METTL25: variants seen among roughly 807,000 people sequenced by gnomAD.
The protein encoded by METTL25 is methyltransferase like 25, also known as probable methyltransferase-like protein 25.
METTL25 carries 64 observed loss-of-function variants against 71.6 expected under a neutral mutation model. The observed-to-expected ratio is 0.89, with a 90% CI of 0.73 to 1.10. The LOEUF (loss-of-function observed/expected upper bound fraction) is 1.10. Among genes scored for constraint, METTL25 ranks in the 50% least tolerant of loss-of-function variants. METTL25 has a pLI of 0.00. For missense variants in METTL25, 807 were observed against 707.0 expected (o/e 1.14, Z -1.60); for synonymous variants, 287 against 250.3 (o/e 1.15, Z -1.38).
rs1322068605 is a variant in METTL25, at chr12:82,434,680, T to A, written c.1375-15T>A. 1 of 1,608,482 alleles carries A rather than the reference T, an allele frequency of 6.2e-7. No homozygotes were observed. On this transcript the variant is annotated splice_polypyrimidine_tract_variant and intron_variant, in intron 6 of 11. Transcript: ENST00000248306. ...TCAATATATCAACAATCTGTCTTGT[T>A]TTTTTCCCTTTAAGGCATTGGAGCG...
chr12:82,400,927 G>A (rs1312913837), intron 4 of METTL25, among the ~76,000 whole-genome samples: 1 of 152,010 alleles, frequency 6.6e-6, no homozygotes, highest in Non-Finnish European at 1.5e-5. Context: ...ATTTTCTTTA[G>A]GGAGAGCTAA....
At chr12:82,366,554 T>C (rs930637938) in intron 1 of METTL25, among the ~76,000 whole-genome samples, 5 of 152,158 alleles carry the variant, frequency 3.3e-5, no homozygotes, top group African/African-American at 1.2e-4. Flanking sequence ...GATAGATTAT[T>C]CTTTTATCAA....
intron 9 of METTL25, among the ~76,000 whole-genome samples, chr12:82,473,229 G>A (rs1476182886): frequency 6.6e-6 from 1 of 152,160 alleles, no homozygotes; most frequent in Non-Finnish European, 1.5e-5. Context: ...CAGCCAGCTT[G>A]GAGCTGGCAC....
intron 5 of METTL25, among the ~76,000 whole-genome samples, chr12:82,412,960 T>A (rs1277450803): frequency 6.6e-6 from 1 of 152,004 alleles, no homozygotes; most frequent in East Asian, 1.9e-4. Flanking sequence ...CATAAAATTT[T>A]AAAAAATAAA....
rs141884155 is a variant in METTL25 at position 82,473,492 on chromosome 12, A to C, written c.1573-3152A>C. Among the ~76,000 whole-genome samples, 55 of 151,942 alleles carry C rather than the reference A, an allele frequency of 3.6e-4. 1 individual carries two copies. In the East Asian group the frequency reaches 0.01, roughly 28 times the overall value. Reference sequence around the variant, plus strand: ...TATACTGGGGATGGTCCCCAGAGCTATTTCTCAGGCCTGTGTCATAGGCCC... The same window carrying C: ...TATACTGGGGATGGTCCCCAGAGCTCTTTCTCAGGCCTGTGTCATAGGCCC... On this transcript the variant is annotated intron_variant, in intron 9 of 11. Coordinates refer to ENST00000248306, the MANE Select transcript of METTL25 (RefSeq NM_032230.3).
intron 9 of METTL25, among the ~76,000 whole-genome samples, chr12:82,467,923 A>G (rs1385085083): frequency 6.6e-6 from 1 of 151,864 alleles, no homozygotes; most frequent in Non-Finnish European, 1.5e-5. Context: ...CCATAATGCA[A>G]ATATTTGCTT....
chr12:82,438,367 T>C (rs916732104), intron 7 of METTL25: 1 of 169,102 alleles, frequency 5.9e-6, no homozygotes, highest in African/African-American at 2.4e-5. Context: ...ATATCCTTCC[T>C]GACTCTTAAA....
chr12:82,435,127 C>T (rs920128652), intron 7 of METTL25, among the ~76,000 whole-genome samples: 2 of 151,408 alleles, frequency 1.3e-5, no homozygotes, highest in Non-Finnish European at 3.0e-5. Flanking sequence ...TCTTTACTGA[C>T]TTGATTAACC....
chr12:82,452,731 A>C (rs1290763074), intron 8 of METTL25, among the ~76,000 whole-genome samples: 1 of 152,176 alleles, frequency 6.6e-6, no homozygotes, highest in African/African-American at 2.4e-5. Flanking sequence ...TAACTTTCAA[A>C]GGTTCTAAAG....
chr12:82,473,486 A>G (rs1892685782), intron 9 of METTL25, among the ~76,000 whole-genome samples: 1 of 152,102 alleles, frequency 6.6e-6, no homozygotes, highest in Non-Finnish European at 1.5e-5. Flanking sequence ...GATGGTCCCC[A>G]GAGCTATTTC....
intron 1 of METTL25, among the ~76,000 whole-genome samples, chr12:82,373,869 G>A (rs983800194): frequency 6.6e-6 from 1 of 152,222 alleles, no homozygotes. Flanking sequence ...GGTCATGCTA[G>A]TCGCTTTTAA....
chr12:82,362,828 G>C (rs1264793502), intron 1 of METTL25, among the ~76,000 whole-genome samples: 3 of 152,178 alleles, frequency 2.0e-5, no homozygotes, highest in Admixed American at 6.5e-5. Flanking sequence ...AGCTTGAAGA[G>C]GTCAGATTCC....
At chr12:82,471,126 A>G (rs1448408295) in intron 9 of METTL25, among the ~76,000 whole-genome samples, 1 of 152,228 alleles carries the variant, frequency 6.6e-6, no homozygotes, top group African/African-American at 2.4e-5. Context: ...ACATTTCCTA[A>G]ATGAGACCAG....
In METTL25 at chr12:82,446,527, T is replaced by G. The variant is rs149720151; in HGVS notation, c.1478+7736T>G. Among the ~76,000 whole-genome samples the G allele has an allele frequency of 5.9e-5, 9 of 151,984 alleles. No homozygotes were observed. In the East Asian group the frequency reaches 1.7e-3, roughly 29 times the overall value. ...CAATAACAAGAGAACCTTTGGAAAC[T>G]GTACAAATACATGGAAATTAAACAA... On this transcript the variant is annotated intron_variant, in intron 8 of 11. Transcript: ENST00000248306.
chr12:82,479,088 T>C lies in METTL25; in HGVS notation c.*64T>C. 1 of 1,361,822 alleles carries C rather than the reference T, an allele frequency of 7.3e-7. No homozygotes were observed. Among genetic ancestry groups the C allele is most frequent in the Non-Finnish European group, 1.0e-6 (1 of 955,008 alleles). The allele number at this position is 1,361,822 out of a possible 1,614,324, so 84.4% of individuals were successfully genotyped here. ...AGACCTGTTGCTGAGATTGCTTTTC[T>C]AAACATATATGTCCTGTTATACAAA... On this transcript the variant is annotated 3_prime_UTR_variant, in exon 12 of 12. Coordinates refer to ENST00000248306, the MANE Select transcript of METTL25 (RefSeq NM_032230.3).
At chr12:82,470,069 A>G (rs986500741) in intron 9 of METTL25, among the ~76,000 whole-genome samples, 7 of 152,226 alleles carry the variant, frequency 4.6e-5, no homozygotes, top group African/African-American at 1.2e-4. Flanking sequence ...ATCAAAGACA[A>G]TAATCACTGA....
At chr12:82,396,678 G>T (rs1398603086) in intron 3 of METTL25, among the ~76,000 whole-genome samples, 2 of 151,808 alleles carry the variant, frequency 1.3e-5, no homozygotes, top group African/African-American at 2.4e-5. Flanking sequence ...GATAAATTTT[G>T]GTAATTATAA....
intron 5 of METTL25, among the ~76,000 whole-genome samples, chr12:82,421,157 T>C (rs1053712132): frequency 1.5e-4 from 23 of 152,144 alleles, no homozygotes; most frequent in African/African-American, 5.1e-4. Context: ...CCACCATGCC[T>C]GGCCCTGACG....
intron 5 of METTL25, among the ~76,000 whole-genome samples, chr12:82,422,933 G>A (rs1888655405): frequency 6.6e-6 from 1 of 152,148 alleles, no homozygotes; most frequent in African/African-American, 2.4e-5. Context: ...CATGCTCATG[G>A]ATAGGAAGAA....
Sources: gnomAD v4.1 joint callset for allele counts (sites outside exome capture counted in the v4.1 genomes callset) on GRCh38, gnomAD v4.1.1 for gene constraint, MANE v1.5 for transcripts, NCBI Gene and HGNC (gene_info 2026-07-23, HGNC 2026-07-21) for gene names.